The following TCF7L2 variants were observed in gnomAD, a reference collection of about 807,000 sequenced individuals.
The protein encoded by TCF7L2 is transcription factor 7 like 2, also known as transcription factor 7-like 2.
A neutral mutation model predicts 77.9 loss-of-function variants in TCF7L2; 23 were observed. The ratio of observed to expected loss-of-function variants is 0.30; its 90% CI spans 0.21 to 0.42. The LOEUF is 0.42. TCF7L2 is among the 10% of genes least tolerant of loss of function. TCF7L2 has a pLI of 1.00. For missense variants in TCF7L2, 654 were observed against 793.1 expected (o/e 0.82, Z 2.11); for synonymous variants, 413 against 340.2 (o/e 1.21, Z -2.36).
At chr10:113,011,794 A>C (rs757272744) in intron 4 of TCF7L2, among the ~76,000 whole-genome samples, 7 of 151,062 alleles carry the variant, frequency 4.6e-5, no homozygotes, top group Non-Finnish European at 1.0e-4. Context: ...GCTACCTTGA[A>C]TATTACTGTT....
chr10:112,951,720 T>TCCCCCTCCCCGCCTCCG, intron 3 of TCF7L2, 113 bp downstream of exon 3: 1 of 310,050 alleles, frequency 3.2e-6, no homozygotes, highest in African/African-American at 4.2e-5. Flanking sequence ...CCCCGCCTCC[T>TCCCCCTCCCCGCCTCCG]CCCCTCCCTC....
chr10:113,087,666 G>A (rs889748082), intron 5 of TCF7L2, among the ~76,000 whole-genome samples: 1 of 144,936 alleles, frequency 6.9e-6, no homozygotes, highest in African/African-American at 2.5e-5. Flanking sequence ...TACTTCCTCT[G>A]GTGCTCGGCT....
At chr10:113,150,104 GTGCCTTAGAGAA>G (rs2070415801) in intron 8 of TCF7L2, among the ~76,000 whole-genome samples, 1 of 152,214 alleles carries the variant, frequency 6.6e-6, no homozygotes, top group African/African-American at 2.4e-5. Flanking sequence ...GTCCTAAAAT[GTGCCTTAGAGAA>G]CTGTCCAAAA....
intron 4 of TCF7L2, among the ~76,000 whole-genome samples, chr10:113,030,096 C>T (rs530614650): frequency 6.6e-6 from 1 of 152,284 alleles, no homozygotes; most frequent in Non-Finnish European, 1.5e-5. Context: ...CCCATAGCTC[C>T]TGGCAATCAC....
At position 113,083,259 on chromosome 10, in the gene TCF7L2, GACACACAC is replaced by G. The variant is rs10649541; in HGVS notation, c.552+43160_552+43167del. Among the ~76,000 whole-genome samples, 760 of 143,458 alleles carry G rather than the reference GACACACAC, an allele frequency of 5.3e-3. 3 individuals are homozygous for G. Among genetic ancestry groups the G allele is most frequent in the African/African-American group, 0.015 (589 of 38,066 alleles). The allele number at this position is 143,458 out of a possible 152,430, so 94.1% of individuals were successfully genotyped here. ...ACACTGCCCTCCACATATACTGATA[GACACACAC>G]ACACACACACACACACACACACACA... On this transcript the variant is annotated intron_variant, in intron 5 of 13. Coordinates refer to ENST00000627217, the MANE Select transcript of TCF7L2 (RefSeq NM_001146274.2).
chr10:112,968,833 C>T (rs998086492), intron 4 of TCF7L2, among the ~76,000 whole-genome samples: 1 of 152,138 alleles, frequency 6.6e-6, no homozygotes, highest in Admixed American at 6.5e-5. Context: ...GCCATTTGGC[C>T]TCCCAAAGTG....
chr10:112,956,953 A>G (rs1157187492), intron 3 of TCF7L2, among the ~76,000 whole-genome samples: 1 of 151,932 alleles, frequency 6.6e-6, no homozygotes, highest in African/African-American at 2.4e-5. Flanking sequence ...CACCTCTACA[A>G]TCTTGAGTTT....
chr10:113,151,922 G>C lies in TCF7L2; in HGVS notation c.1161+38G>C. The C allele has an allele frequency of 6.4e-7, 1 of 1,570,558 alleles. No homozygotes were observed. Among genetic ancestry groups the C allele is most frequent in the Non-Finnish European group, 8.6e-7 (1 of 1,163,966 alleles). On this transcript the variant is annotated intron_variant, in intron 10 of 13. Transcript: ENST00000627217. This position sits in a 1 kb window ranked among gnomAD's most constrained non-coding sequence, Gnocchi z 5.2. ...CTTCTCAGGGAGAAGCGGGGGGCGG[G>C]TGGTGAGGGACCAGAGTGCAGCAGG... is the stretch of plus-strand genomic sequence containing the variant.
intron 5 of TCF7L2, among the ~76,000 whole-genome samples, chr10:113,060,291 G>A (rs757576968): frequency 3.9e-5 from 6 of 152,164 alleles, no homozygotes; most frequent in Non-Finnish European, 7.3e-5. Flanking sequence ...TACTTGATTC[G>A]AGAAACAAAC....
At chr10:113,141,703 T>C (rs1357258265) in intron 6 of TCF7L2, among the ~76,000 whole-genome samples, 1 of 152,188 alleles carries the variant, frequency 6.6e-6, no homozygotes, top group Non-Finnish European at 1.5e-5. Context: ...GGGTTCCTCC[T>C]CAGCTTCCTG....
chr10:112,956,741 C>T (rs2033716222), intron 3 of TCF7L2, among the ~76,000 whole-genome samples: 1 of 152,190 alleles, frequency 6.6e-6, no homozygotes, highest in Admixed American at 6.5e-5. Flanking sequence ...AGCGCACCAC[C>T]AGGTCATAAA....
rs200821506 is a variant in TCF7L2, at chr10:113,046,674, TA to T, written c.552+6550del. Among the ~76,000 whole-genome samples, 1,357 of 152,334 alleles carry T rather than the reference TA, an allele frequency of 8.9e-3. 17 individuals carry two copies. The highest frequency in any genetic ancestry group is 0.031 in the African/African-American group (1,290 of 41,576). On this transcript the variant is annotated intron_variant, in intron 5 of 13. Transcript: ENST00000627217. Reference sequence around the variant, plus strand: ...TAGACTACTTAAGGATGGGAATTGCTAATTTTGTATTTAAAAGTTGTACCTC... The same window carrying T: ...TAGACTACTTAAGGATGGGAATTGCTATTTTGTATTTAAAAGTTGTACCTC...
At chr10:113,011,315 C>G (rs1202335703) in intron 4 of TCF7L2, among the ~76,000 whole-genome samples, 1 of 152,126 alleles carries the variant, frequency 6.6e-6, no homozygotes, top group Non-Finnish European at 1.5e-5. Context: ...TGGGGTTAAC[C>G]GGAGCCAAGC....
chr10:113,079,002 T>G (rs963962179), intron 5 of TCF7L2, among the ~76,000 whole-genome samples: 1 of 151,962 alleles, frequency 6.6e-6, no homozygotes, highest in Non-Finnish European at 1.5e-5. Flanking sequence ...CTGGCTAATT[T>G]TTGTATTTTT....
chr10:113,009,296 A>G (rs1214400127), intron 4 of TCF7L2, among the ~76,000 whole-genome samples: 1 of 152,124 alleles, frequency 6.6e-6, no homozygotes, highest in African/African-American at 2.4e-5. Flanking sequence ...TGGATGGGGA[A>G]GTTGGCCTGG....
At chr10:113,015,321 C>T (rs1026888154) in intron 4 of TCF7L2, among the ~76,000 whole-genome samples, 3 of 152,162 alleles carry the variant, frequency 2.0e-5, no homozygotes, top group South Asian at 2.1e-4. Flanking sequence ...TGAAAGGCAC[C>T]GGAGAAGCAC....
intron 5 of TCF7L2, among the ~76,000 whole-genome samples, chr10:113,063,605 G>T (rs957330572): frequency 1.5e-4 from 23 of 152,216 alleles, no homozygotes; most frequent in African/African-American, 5.5e-4. Flanking sequence ...CTTGACACCG[G>T]ATGGGACATT....
intron 4 of TCF7L2, among the ~76,000 whole-genome samples, chr10:113,034,965 C>T (rs1310765692): frequency 6.6e-6 from 1 of 152,064 alleles, no homozygotes; most frequent in African/African-American, 2.4e-5. Flanking sequence ...CTCCCCTCCC[C>T]TCCTTCCCTT....
chr10:113,125,193 T>C (rs908628381), intron 5 of TCF7L2, among the ~76,000 whole-genome samples: 1 of 151,788 alleles, frequency 6.6e-6, no homozygotes, highest in African/African-American at 2.4e-5. Flanking sequence ...TTATCCCAGA[T>C]GGGACGAATC....
Sources: gnomAD v4.1 joint callset for allele counts (sites outside exome capture counted in the v4.1 genomes callset) on GRCh38, gnomAD v4.1.1 for gene constraint, Gnocchi (gnomAD v3.1) non-coding constraint, MANE v1.5 for transcripts, NCBI Gene and HGNC (gene_info 2026-07-23, HGNC 2026-07-21) for gene names.